HBS1L: variants seen among roughly 807,000 people sequenced by gnomAD.
HBS1L encodes the protein HBS1-like protein.
A neutral mutation model predicts 88.9 loss-of-function variants in HBS1L; 55 were observed. The observed-to-expected ratio is 0.62, with a 90% CI of 0.50 to 0.77. The LOEUF (loss-of-function observed/expected upper bound fraction) is 0.77, where lower values mean the gene tolerates loss of function less well. Among genes scored for constraint, HBS1L ranks in the 30% least tolerant of loss-of-function variants. The pLI is 0.00. For missense variants in HBS1L, 741 were observed against 829.3 expected (o/e 0.89, Z 1.31); for synonymous variants, 267 against 288.5 (o/e 0.93, Z 0.76).
chr6:135,037,409 A>G (rs752150445), intron 4 of HBS1L: 6 of 1,549,952 alleles, frequency 3.9e-6, no homozygotes. Context: ...TCAACTAAAG[A>G]AACATTTCCA....
intron 15 of HBS1L, among the ~76,000 whole-genome samples, chr6:134,972,419 C>T (rs148064056): frequency 1.9e-4 from 29 of 152,248 alleles, no homozygotes; most frequent in Middle Eastern, 6.8e-3. Context: ...ATGAAGCTCT[C>T]TACCTTACAT....
At chr6:134,987,817 A>G (rs376545259) in intron 8 of HBS1L, 26 bp from the exon 9 acceptor site, 2 of 1,548,390 alleles carry the variant, frequency 1.3e-6, no homozygotes, top group Non-Finnish European at 1.7e-6. Flanking sequence ...AATCGAAGCC[A>G]GAAATAATGT....
chr6:134,992,755 T>G (rs1371894786), intron 8 of HBS1L, among the ~76,000 whole-genome samples: 1 of 152,060 alleles, frequency 6.6e-6, no homozygotes, highest in Non-Finnish European at 1.5e-5. Flanking sequence ...GTTTATAAAG[T>G]AAAAAAAGCT....
At position 134,964,111 on chromosome 6, in the gene HBS1L, AG is replaced by A. The variant is rs1391884916; in HGVS notation, c.*1167del. The stretch of plus-strand genomic sequence containing the variant: ...TGTTATTGCTTATGTTCAAAATGTC[AG>A]GTTCACGAAAAGGTGCAGGGAGAAG... On this transcript the variant is annotated 3_prime_UTR_variant, in exon 18 of 18. Transcript: ENST00000367837. 2 of 152,194 alleles carry A rather than the reference AG, an allele frequency of 1.3e-5. No homozygotes were observed. The highest frequency in any genetic ancestry group is 2.9e-5 in the Non-Finnish European group (2 of 68,034). 9.4% of individuals were successfully genotyped at this position (152,194 alleles called of 1,614,324 possible). A position where few individuals can be genotyped will look rare whatever the true frequency, so the allele number is the denominator to read the frequency against.
intron 4 of HBS1L, among the ~76,000 whole-genome samples, chr6:135,012,961 T>C (rs549924112): frequency 6.6e-6 from 1 of 152,184 alleles, no homozygotes; most frequent in African/African-American, 2.4e-5. Flanking sequence ...ATAAAGCACA[T>C]ATAAAGTTAC....
intron 4 of HBS1L, among the ~76,000 whole-genome samples, chr6:135,027,526 A>C (rs1313781752): frequency 6.6e-6 from 1 of 152,180 alleles, no homozygotes; most frequent in African/African-American, 2.4e-5. Context: ...GCCACTGCAA[A>C]TGTAGTATTC....
chr6:134,990,928 C>A (rs1020223666), intron 8 of HBS1L, among the ~76,000 whole-genome samples: 1 of 152,122 alleles, frequency 6.6e-6, no homozygotes, highest in Non-Finnish European at 1.5e-5. Context: ...ACAACTGCTT[C>A]TGGTGTTTGT....
intron 4 of HBS1L, among the ~76,000 whole-genome samples, chr6:135,031,433 G>GCA (rs1252880743): frequency 6.6e-6 from 1 of 152,000 alleles, no homozygotes; most frequent in Non-Finnish European, 1.5e-5. Context: ...CATATTATGT[G>GCA]CACACACACA....
chr6:135,003,171 C>G (rs996371594), intron 4 of HBS1L, among the ~76,000 whole-genome samples: 2 of 152,116 alleles, frequency 1.3e-5, no homozygotes, highest in Non-Finnish European at 2.9e-5. Flanking sequence ...TACCTAGACC[C>G]TATACCTCCC....
At chr6:134,970,023 A>G (rs1054229749) in intron 15 of HBS1L, among the ~76,000 whole-genome samples, 2 of 152,202 alleles carry the variant, frequency 1.3e-5, no homozygotes, top group African/African-American at 4.8e-5. Flanking sequence ...ATTGTATGAT[A>G]TGATTTATGA....
intron 17 of HBS1L, 88 bp downstream of exon 17, chr6:134,966,241 C>T (rs930078232): frequency 8.3e-7 from 1 of 1,203,580 alleles, no homozygotes; most frequent in Non-Finnish European, 1.2e-6. Context: ...CTTTCATTCC[C>T]TCAATGCTTT....
intron 11 of HBS1L, among the ~76,000 whole-genome samples, 176 bp from the exon 12 acceptor site, chr6:134,985,585 A>T (rs1302013803): frequency 6.6e-6 from 1 of 152,098 alleles, no homozygotes; most frequent in East Asian, 1.9e-4. Flanking sequence ...AAAATTCTGA[A>T]ATCTGAAATG....
At chr6:135,023,698 T>C (rs1162791561) in intron 4 of HBS1L, among the ~76,000 whole-genome samples, 1 of 152,206 alleles carries the variant, frequency 6.6e-6, no homozygotes, top group Non-Finnish European at 1.5e-5. Flanking sequence ...ATAACAGGTT[T>C]CTAACCAGTA....
chr6:134,991,826 T>G (rs745689836), intron 8 of HBS1L, among the ~76,000 whole-genome samples: 10 of 152,158 alleles, frequency 6.6e-5, no homozygotes, highest in Non-Finnish European at 1.3e-4. Flanking sequence ...TCCCAACACT[T>G]TGGGAGGCTG....
chr6:134,979,890 G>C (rs542075378), intron 13 of HBS1L, among the ~76,000 whole-genome samples: 11 of 152,112 alleles, frequency 7.2e-5, no homozygotes, highest in Admixed American at 5.2e-4. Flanking sequence ...TAAGGAAATA[G>C]TGATAAGAAA....
intron 4 of HBS1L, among the ~76,000 whole-genome samples, chr6:135,006,892 C>T (rs1775629385): frequency 6.6e-6 from 1 of 151,956 alleles, no homozygotes; most frequent in African/African-American, 2.4e-5. Flanking sequence ...GGGATTCTGG[C>T]CTCTGTCAAA....
intron 4 of HBS1L, among the ~76,000 whole-genome samples, chr6:135,022,633 C>T (rs1776104971): frequency 6.6e-6 from 1 of 151,914 alleles, no homozygotes; most frequent in Non-Finnish European, 1.5e-5. Flanking sequence ...ATAAAATTCT[C>T]CTAATTGTCT....
At chr6:134,968,767 AC>A (rs34125490) in intron 16 of HBS1L, among the ~76,000 whole-genome samples, 42,238 of 144,648 alleles carry the variant, frequency 0.29, 5,901 homozygotes, top group Non-Finnish European at 0.35. Flanking sequence ...AAAAAAAAAA[AC>A]AAACTTTCCA....
chr6:135,040,344 C>CTTTTTTTTTTT (rs71006751), intron 3 of HBS1L, among the ~76,000 whole-genome samples: 4 of 110,058 alleles, frequency 3.6e-5, no homozygotes, highest in African/African-American at 1.4e-4. Flanking sequence ...GATAGGCATT[C>CTTTTTTTTTTT]TTTTTTTTTT....
Sources: gnomAD v4.1 joint callset for allele counts (sites outside exome capture counted in the v4.1 genomes callset) on GRCh38, gnomAD v4.1.1 for gene constraint, MANE v1.5 for transcripts, NCBI Gene and HGNC (gene_info 2026-07-23, HGNC 2026-07-21) for gene names.